TM6SF2: variants seen among roughly 807,000 people sequenced by gnomAD.
TM6SF2 encodes the protein transmembrane 6 superfamily member 2.
In TM6SF2, 29 loss-of-function variants were observed where a neutral mutation model predicts 41.0. The observed-to-expected ratio is 0.71, with a 90% confidence interval of 0.53 to 0.96. The LOEUF (loss-of-function observed/expected upper bound fraction) is 0.96, where lower values mean the gene tolerates loss of function less well. TM6SF2 is among the 50% of genes least tolerant of loss of function. TM6SF2 has a pLI of 0.00. For missense variants in TM6SF2, 475 were observed against 499.0 expected (o/e 0.95, Z 0.46); for synonymous variants, 200 against 209.1 (o/e 0.96, Z 0.37).
rs2060995535 is a variant in TM6SF2 at position 19,264,477 on chromosome 19, G to A, written c.*187C>T. The A allele has an allele frequency of 9.1e-6, 4 of 441,092 alleles. No individual in the cohort carries two copies. The highest frequency in any genetic ancestry group is 1.5e-5 in the Non-Finnish European group (4 of 258,238). 27.3% of individuals were successfully genotyped at this position (441,092 alleles called of 1,614,324 possible). ...AGTTGGAGCATGGTGACAGCTGTGG[G>A]AGGCTCTCCTTGCAGGAACACTTGG... On this transcript the variant is annotated 3_prime_UTR_variant, in exon 10 of 10. Transcript: ENST00000389363.
intron 9 of TM6SF2, among the ~76,000 whole-genome samples, chr19:19,265,360 T>TTCTATCTATCTATCTATCTA (rs548804768): frequency 1.6e-4 from 22 of 140,504 alleles, no homozygotes; most frequent in East Asian, 6.4e-4. Flanking sequence ...TTTTTAAAAT[T>TTCTATCTATCTATCTATCTA]TCTATCTATC....
intron 7 of TM6SF2, 56 bp downstream of exon 7, chr19:19,267,930 G>A: frequency 7.1e-7 from 1 of 1,401,156 alleles, no homozygotes; most frequent in Non-Finnish European, 1.0e-6. Context: ...GGAGAGGTGG[G>A]TCAGGGAAGG....
chr19:19,264,698 G>A lies in TM6SF2; in HGVS notation c.1100C>T (p.Ser367Phe), dbSNP rs2060996361. The change falls in exon 10 of 10, where the codon TCC (serine) becomes TTC (phenylalanine). Residue 367 changes from serine to phenylalanine, a missense_variant. Transcript: ENST00000389363. Reference sequence around the variant, plus strand: ...CTTCTTGTGGAGGGCTAGGGGGTCGGAGGGTGGTGGCTGGTGGAAGAATGC... The same window carrying A: ...CTTCTTGTGGAGGGCTAGGGGGTCGAAGGGTGGTGGCTGGTGGAAGAATGC... ...WPAFFHQPPP[S>F]DPLALHKKQH 6.3e-7 allele frequency: 1 copy of A among 1,577,756 alleles called. No individual in the cohort carries two copies. The highest frequency in any genetic ancestry group is 8.6e-7 in the Non-Finnish European group (1 of 1,160,606).
intron 1 of TM6SF2, 63 bp downstream of exon 1, chr19:19,273,058 T>TACATG: frequency 1.3e-5 from 6 of 470,230 alleles, no homozygotes; most frequent in Middle Eastern, 6.1e-4. Context: ...CCACCTCCAG[T>TACATG]CCTCCCCGCC....
At chr19:19,266,978 G>A (rs1350583452) in intron 8 of TM6SF2, among the ~76,000 whole-genome samples, 2 of 152,162 alleles carry the variant, frequency 1.3e-5, no homozygotes, top group African/African-American at 2.4e-5. Context: ...CATTGCTCTG[G>A]GGTGGCTGAG....
intron 4 of TM6SF2, 149 bp downstream of exon 4, chr19:19,270,024 C>T: frequency 6.6e-7 from 1 of 1,517,810 alleles, no homozygotes; most frequent in Non-Finnish European, 8.8e-7. Flanking sequence ...TTCCCTGGAA[C>T]CTTCTCCTGG....
intron 9 of TM6SF2, among the ~76,000 whole-genome samples, chr19:19,265,923 C>T (rs1317608547): frequency 6.6e-6 from 1 of 152,146 alleles, no homozygotes; most frequent in Non-Finnish European, 1.5e-5. Context: ...TAAATGTTTT[C>T]CTGGTCCCTA....
rs1337496820 is a variant in TM6SF2, at chr19:19,270,161, T to G, written c.401+12A>C. The G allele has an allele frequency of 4.3e-6, 7 of 1,613,576 alleles. No homozygotes were observed. The highest frequency in any genetic ancestry group is 5.9e-6 in the Non-Finnish European group (7 of 1,179,934). ...CCAGGGTCAGGGGCCACCCTCTCCCTGCCTCCTGCACCTTCTGCAGATGGC... is the reference window on the plus strand; with the variant it reads ...CCAGGGTCAGGGGCCACCCTCTCCCGGCCTCCTGCACCTTCTGCAGATGGC... On this transcript the variant is annotated intron_variant, in intron 4 of 9. Coordinates refer to ENST00000389363, the MANE Select transcript of TM6SF2 (RefSeq NM_001001524.3).
chr19:19,266,646 G>A, intron 8 of TM6SF2, 37 bp from the exon 9 acceptor site: 1 of 1,586,132 alleles, frequency 6.3e-7, no homozygotes, highest in African/African-American at 1.3e-5. Context: ...CAGCCTGTGA[G>A]ATGAGCAGCT....
In TM6SF2 at chr19:19,273,250, G is replaced by A; in HGVS notation, c.-35C>T. The stretch of plus-strand genomic sequence containing the variant: ...TGCTGGACCCCGGCTCAGCCCCGAC[G>A]CGTTCTCCAGGGCGCTCGGCTCCTC... On this transcript the variant is annotated 5_prime_UTR_variant, in exon 1 of 10. Coordinates refer to ENST00000389363, the MANE Select transcript of TM6SF2 (RefSeq NM_001001524.3). The A allele has an allele frequency of 7.5e-7, 1 of 1,337,412 alleles. No homozygotes were observed. Among genetic ancestry groups the A allele is most frequent in the Non-Finnish European group, 9.6e-7 (1 of 1,041,294 alleles). 82.8% of individuals were successfully genotyped at this position (1,337,412 alleles called of 1,614,324 possible).
At chr19:19,270,496 G>GGACACGTGTGGGTGGT in intron 2 of TM6SF2, 54 bp from the exon 3 acceptor site, 1 of 1,563,662 alleles carries the variant, frequency 6.4e-7, no homozygotes, top group Non-Finnish European at 8.6e-7. Context: ...GTGTGGGTGG[G>GGACACGTGTGGGTGGT]GCTAGGGCTT....
intron 4 of TM6SF2, 116 bp downstream of exon 4, chr19:19,270,057 A>G: frequency 6.5e-7 from 1 of 1,548,512 alleles, no homozygotes; most frequent in South Asian, 1.2e-5. Context: ...GGAGCCCTAG[A>G]GAGGCGTCCT....
intron 1 of TM6SF2, 63 bp downstream of exon 1, chr19:19,273,058 T>TCCAGGCCC: frequency 2.1e-6 from 1 of 470,238 alleles, no homozygotes; most frequent in Non-Finnish European, 3.8e-6. Flanking sequence ...CCACCTCCAG[T>TCCAGGCCC]CCTCCCCGCC....
intron 7 of TM6SF2, 121 bp downstream of exon 7, chr19:19,267,865 C>T: frequency 1.9e-6 from 2 of 1,065,708 alleles, no homozygotes; most frequent in Non-Finnish European, 2.8e-6. Context: ...ATGGAACACT[C>T]AGGTTAGACT....
At chr19:19,273,065 C>G in intron 1 of TM6SF2, 56 bp downstream of exon 1, 5 of 451,448 alleles carry the variant, frequency 1.1e-5, no homozygotes, top group South Asian at 2.6e-5. Flanking sequence ...CAGTCCTCCC[C>G]GCCCCCGCCC....
intron 1 of TM6SF2, among the ~76,000 whole-genome samples, chr19:19,272,728 T>TGTGTGA (rs1555786937): frequency 0.098 from 14,721 of 149,738 alleles, 841 homozygotes; most frequent in East Asian, 0.17. Context: ...TGTGTGTGTG[T>TGTGTGA]GAGCAGGAGT....
Position 19,271,076 on chromosome 19 carries a change from C to T in TM6SF2, c.145G>A (p.Val49Met), listed in dbSNP as rs200492531. 6.3e-5 allele frequency: 101 copies of T among 1,614,190 alleles called. No individual in the cohort carries two copies. The highest frequency in any genetic ancestry group is 1.2e-4 in the African/African-American group (9 of 75,056). ...MSALILGLLF[V>M]AVYSLSHGEV... ...CCATGGGACAAGCTGTAGACCGCCA[C>T]GAAAAGCAGACCCAGGATTAGGGCG... The change falls in exon 2 of 10, where the codon GTG becomes ATG. Residue 49 changes from valine to methionine, a missense_variant. Physicochemically the swap from Val to Met is conservative, Grantham distance 21. Transcript: ENST00000389363.
chr19:19,268,990 A>G (rs1214676809), intron 5 of TM6SF2, among the ~76,000 whole-genome samples: 1 of 151,852 alleles, frequency 6.6e-6, no homozygotes, highest in Non-Finnish European at 1.5e-5. Flanking sequence ...GCAGGGTTTC[A>G]CCATGCTGCC....
At position 19,267,993 on chromosome 19, in the gene TM6SF2, C is replaced by A. The variant is rs766513047; in HGVS notation, c.704G>T (p.Arg235Leu). ...CAACCAGCGCAGACTCACCAGGCCC[C>A]GGAACAGAGTGAAGAAGCCAGCAAG... ...LILAGFFTLF[R>L]GLVVLDCPTD... The change falls in exon 7 of 10, where the codon CGG becomes CTG. Residue 235 changes from arginine (R) to leucine (L), a missense_variant. By Grantham distance (102) the Arg-to-Leu change is moderately radical. Coordinates refer to ENST00000389363, the MANE Select transcript of TM6SF2 (RefSeq NM_001001524.3). The A allele has an allele frequency of 7.5e-6, 12 of 1,609,410 alleles. No individual in the cohort carries two copies. Among genetic ancestry groups the A allele is most frequent in the Non-Finnish European group, 1.0e-5 (12 of 1,176,548 alleles).
Sources: gnomAD v4.1 joint callset for allele counts (sites outside exome capture counted in the v4.1 genomes callset) on GRCh38, gnomAD v4.1.1 for gene constraint, MANE v1.5 for transcripts, NCBI Gene and HGNC (gene_info 2026-07-23, HGNC 2026-07-21) for gene names.